Variants in PKIB observed in about 807,000 individuals in gnomAD.
PKIB encodes cAMP-dependent protein kinase inhibitor beta.
A neutral mutation model predicts 4.5 loss-of-function variants in PKIB; 2 were observed. That is an observed-to-expected ratio of 0.44 (90% CI 0.18 to 1.39). The LOEUF is 1.39. PKIB is among the 40% of genes most tolerant of loss of function. PKIB has a pLI of 0.27. For synonymous variants in PKIB, 38 were observed against 36.0 expected (o/e 1.06, Z -0.20); for missense variants, 94 against 92.6 (o/e 1.02, Z -0.06).
intron 1 of PKIB, among the ~76,000 whole-genome samples, chr6:122,624,227 T>C (rs1775346668): frequency 6.6e-6 from 1 of 152,180 alleles, no homozygotes; most frequent in South Asian, 2.1e-4. Context: ...TAAGTTATAA[T>C]GGTATGATGA....
At chr6:122,565,242 A>G (rs12202534) in intron 2 of PKIB, among the ~76,000 whole-genome samples, 17,215 of 152,188 alleles carry the variant, frequency 0.11, 1,234 homozygotes, top group East Asian at 0.21. Flanking sequence ...TTCTTCTGGC[A>G]GAAAATACCA....
intron 2 of PKIB, among the ~76,000 whole-genome samples, chr6:122,562,643 G>A (rs1375678276): frequency 6.6e-6 from 1 of 152,098 alleles, no homozygotes; most frequent in Non-Finnish European, 1.5e-5. Context: ...TGGAGACTTT[G>A]TTCATATTTT....
At chr6:122,599,452 C>T (rs565127019) in intron 3 of PKIB, among the ~76,000 whole-genome samples, 213 of 152,234 alleles carry the variant, frequency 1.4e-3, no homozygotes, top group African/African-American at 4.8e-3. Context: ...GTCAGCCACT[C>T]GCACGATAAG....
chr6:122,723,948 A>G (rs924392368), intron 4 of PKIB, among the ~76,000 whole-genome samples: 2 of 152,112 alleles, frequency 1.3e-5, no homozygotes, highest in Non-Finnish European at 2.9e-5. Flanking sequence ...GCCGGGATTC[A>G]TGTTTTGTTC....
intron 3 of PKIB, among the ~76,000 whole-genome samples, chr6:122,599,033 A>G (rs1310753436): frequency 1.3e-5 from 2 of 152,088 alleles, no homozygotes; most frequent in Non-Finnish European, 1.5e-5. Flanking sequence ...CACATTCTCA[A>G]CCTCACCTCT....
chr6:122,549,909 C>T (rs960493015), intron 2 of PKIB, among the ~76,000 whole-genome samples: 4 of 148,242 alleles, frequency 2.7e-5, no homozygotes, highest in East Asian at 2.0e-4. Context: ...CACACACACA[C>T]ATATATATAT....
intron 2 of PKIB, among the ~76,000 whole-genome samples, chr6:122,650,062 C>T (rs550192612): frequency 5.3e-5 from 8 of 152,176 alleles, no homozygotes; most frequent in African/African-American, 9.6e-5. Context: ...AGTAGTACAC[C>T]GAAATAAAGA....
intron 2 of PKIB, among the ~76,000 whole-genome samples, chr6:122,671,077 A>T (rs1049806937): frequency 2.0e-5 from 3 of 152,138 alleles, no homozygotes; most frequent in African/African-American, 7.2e-5. Flanking sequence ...GCGGATCACG[A>T]GGTCAGGAGA....
rs545237947 is a variant in PKIB, at chr6:122,544,561, G to A, written c.-247-41360G>A. Among the ~76,000 whole-genome samples, 40 of 152,086 alleles carry A rather than the reference G, an allele frequency of 2.6e-4. No individual in the cohort carries two copies. In the South Asian group the frequency reaches 3.9e-3, roughly 15 times the overall value. On this transcript the variant is annotated intron_variant, in intron 2 of 6. Coordinates refer to the PKIB transcript ENST00000392491. Reference sequence around the variant, plus strand: ...TGGAGGGGTGTTTTGAGATTTGGGCGTGGATATTAGAATGGAGAATGATGG... The same window carrying A: ...TGGAGGGGTGTTTTGAGATTTGGGCATGGATATTAGAATGGAGAATGATGG...
At chr6:122,595,363 G>A (rs1308455130) in intron 3 of PKIB, among the ~76,000 whole-genome samples, 5 of 152,154 alleles carry the variant, frequency 3.3e-5, no homozygotes, top group African/African-American at 1.2e-4. Context: ...TGGCAAACAT[G>A]GTAAGACTAG....
chr6:122,500,887 AG>A (rs2114557982), intron 2 of PKIB, among the ~76,000 whole-genome samples: 1 of 152,282 alleles, frequency 6.6e-6, no homozygotes, highest in South Asian at 2.1e-4. Flanking sequence ...GTAGAGCAGG[AG>A]AGAGAGAGCA....
chr6:122,486,033 G>T (rs893532129), intron 2 of PKIB, among the ~76,000 whole-genome samples: 1 of 151,994 alleles, frequency 6.6e-6, no homozygotes, highest in Non-Finnish European at 1.5e-5. Flanking sequence ...CACAAATGTG[G>T]CTAATTCATC....
At chr6:122,597,508 A>G (rs1038557074) in intron 3 of PKIB, among the ~76,000 whole-genome samples, 1 of 152,206 alleles carries the variant, frequency 6.6e-6, no homozygotes. Context: ...CCACTTGGTC[A>G]AGCTTACAAT....
intron 3 of PKIB, among the ~76,000 whole-genome samples, chr6:122,593,515 C>T (rs1193301762): frequency 6.6e-6 from 1 of 152,092 alleles, no homozygotes; most frequent in Non-Finnish European, 1.5e-5. Context: ...CTCAGCATTG[C>T]TATTGATAGT....
chr6:122,647,021 A>T lies in PKIB; in HGVS notation c.-76+13654A>T, dbSNP rs116807561. On this transcript the variant is annotated intron_variant, in intron 2 of 4. Transcript: ENST00000368452. ...GCCCTCACAATCTATATGCAATTTT[A>T]TCAGTCAGGCTTCCACCAGAGAAAC... Among the ~76,000 whole-genome samples the T allele has an allele frequency of 4.5e-3, 688 of 152,256 alleles. 10 individuals carry two copies. Among genetic ancestry groups the T allele is most frequent in the African/African-American group, 0.016 (650 of 41,540 alleles).
At chr6:122,629,402 G>A (rs1386949371) in intron 1 of PKIB, among the ~76,000 whole-genome samples, 2 of 151,606 alleles carry the variant, frequency 1.3e-5, no homozygotes, top group Non-Finnish European at 2.9e-5. Flanking sequence ...TCTATCATGA[G>A]TTCATATCAT....
At chr6:122,619,911 A>T (rs1218914706) in intron 1 of PKIB, among the ~76,000 whole-genome samples, 1 of 152,242 alleles carries the variant, frequency 6.6e-6, no homozygotes, top group East Asian at 1.9e-4. Flanking sequence ...ATAATAATAA[A>T]TTAATCTATA....
chr6:122,485,795 A>T (rs553053981), intron 2 of PKIB, among the ~76,000 whole-genome samples: 2 of 152,332 alleles, frequency 1.3e-5, no homozygotes, highest in African/African-American at 4.8e-5. Context: ...AGTCTTTATC[A>T]TGAATTAGCA....
At chr6:122,685,813 C>T (rs961596837) in intron 3 of PKIB, among the ~76,000 whole-genome samples, 1 of 152,102 alleles carries the variant, frequency 6.6e-6, no homozygotes. Flanking sequence ...CCCATGATCC[C>T]CTTCCCAGCC....
Sources: allele counts gnomAD v4.1 joint callset (sites outside exome capture counted in the v4.1 genomes callset), GRCh38; gene constraint gnomAD v4.1.1; transcripts MANE v1.5; gene names NCBI Gene and HGNC (gene_info 2026-07-23, HGNC 2026-07-21).